Variants in TMPRSS11D observed in about 807,000 individuals in gnomAD.
TMPRSS11D encodes the protein transmembrane serine protease 11D, also known as transmembrane protease serine 11D.
TMPRSS11D carries 32 observed loss-of-function variants against 44.4 expected under a neutral mutation model. That is an observed-to-expected ratio of 0.72 (90% CI 0.54 to 0.97). TMPRSS11D has a LOEUF of 0.97. Among genes scored for constraint, TMPRSS11D ranks in the 50% least tolerant of loss-of-function variants. TMPRSS11D has a pLI of 0.00. For synonymous variants in TMPRSS11D, 179 were observed against 177.9 expected, an observed-to-expected ratio of 1.01 and a Z score of -0.05; for missense variants, 446 against 502.6, an observed-to-expected ratio of 0.89 and a Z score of 1.08.
chr4:67,831,085 CTCTT>C (rs2109662003), intron 7 of TMPRSS11D, among the ~76,000 whole-genome samples: 1 of 152,156 alleles, frequency 6.6e-6, no homozygotes, highest in African/African-American at 2.4e-5. Context: ...TAATTATGGT[CTCTT>C]TCTTTGAGGA....
At chr4:67,878,975 G>A (rs1428535920) in intron 1 of TMPRSS11D, among the ~76,000 whole-genome samples, 2 of 152,066 alleles carry the variant, frequency 1.3e-5, no homozygotes, top group Non-Finnish European at 2.9e-5. Flanking sequence ...TGTATAAGTA[G>A]AAATAAAGCA....
chr4:67,847,491 T>C (rs67716342), intron 3 of TMPRSS11D, among the ~76,000 whole-genome samples: 19,972 of 152,170 alleles, frequency 0.13, 1,455 homozygotes, highest in East Asian at 0.31. Flanking sequence ...TAGTTTTCTT[T>C]TAGAACTAGA....
At chr4:67,834,820 TTTTCA>T (rs1718035888) in intron 6 of TMPRSS11D, among the ~76,000 whole-genome samples, 1 of 152,086 alleles carries the variant, frequency 6.6e-6, no homozygotes, top group African/African-American at 2.4e-5. Context: ...GCCAAAGAAA[TTTTCA>T]TGAGGGCAAT....
At chr4:67,824,148 T>A (rs1717725451) in intron 9 of TMPRSS11D, among the ~76,000 whole-genome samples, 1 of 151,888 alleles carries the variant, frequency 6.6e-6, no homozygotes, top group African/African-American at 2.4e-5. Flanking sequence ...TTTTTTTTTT[T>A]TTTTTAAGTG....
At chr4:67,882,238 T>A (rs956572006) in intron 1 of TMPRSS11D, among the ~76,000 whole-genome samples, 16 of 152,188 alleles carry the variant, frequency 1.1e-4, no homozygotes, top group African/African-American at 3.9e-4. Flanking sequence ...TACCTGAAGA[T>A]TTATCTAAAA....
In TMPRSS11D at chr4:67,854,137, T is replaced by C. The variant is rs767783090; in HGVS notation, c.180A>G (p.Glu60=). The C allele has an allele frequency of 6.3e-7, 1 of 1,599,988 alleles. No individual in the cohort carries two copies. Among genetic ancestry groups the C allele is most frequent in the Non-Finnish European group, 8.5e-7 (1 of 1,174,834 alleles). ...YRSSFQLLNV[E]YNSQLNSPAT... is the part of the protein sequence containing the mutation. ...CTGGTGAATTTAACTGACTATTATA[T>C]TCAACATTTAGGAGTTGAAAACTGC... Residue 60 remains glutamate, a synonymous_variant, in exon 3 of 10, where the codon GAA becomes GAG. Coordinates refer to ENST00000283916, the MANE Select transcript of TMPRSS11D (RefSeq NM_004262.3).
rs1336784343 is a variant in TMPRSS11D at position 67,835,125 on chromosome 4, G to C, written c.476-4C>G. On this transcript the variant is annotated splice_region_variant and splice_polypyrimidine_tract_variant and intron_variant, in intron 5 of 9. Coordinates refer to ENST00000283916, the MANE Select transcript of TMPRSS11D (RefSeq NM_004262.3). ...GCTGCAGCCTGGTCAGTAAGTGCTA[G>C]TATTAAAAAATGAGAATAAGATAAA... The C allele has an allele frequency of 3.1e-6, 5 of 1,610,012 alleles. No homozygotes were observed. Among genetic ancestry groups the C allele is most frequent in the Non-Finnish European group, 4.2e-6 (5 of 1,176,954 alleles).
At chr4:67,838,412 C>T (rs1718154231) in intron 4 of TMPRSS11D, 83 bp from the exon 5 acceptor site, 1 of 1,279,424 alleles carries the variant, frequency 7.8e-7, no homozygotes, top group Non-Finnish European at 1.0e-6. Context: ...TTGATTAAAC[C>T]CTTTTAAAGA....
intron 8 of TMPRSS11D, 109 bp from the exon 9 acceptor site, chr4:67,825,983 A>G: frequency 7.8e-7 from 1 of 1,278,896 alleles, no homozygotes; most frequent in Non-Finnish European, 1.0e-6. Flanking sequence ...TTTCATATTT[A>G]ACAATGAAGG....
chr4:67,836,295 T>A (rs934265169), intron 5 of TMPRSS11D, among the ~76,000 whole-genome samples: 29 of 152,266 alleles, frequency 1.9e-4, no homozygotes, highest in African/African-American at 7.0e-4. Flanking sequence ...ACCAGACTGA[T>A]CTTTTTAAAA....
chr4:67,860,859 C>T (rs1376037996), intron 1 of TMPRSS11D, among the ~76,000 whole-genome samples: 1 of 152,026 alleles, frequency 6.6e-6, no homozygotes, highest in African/African-American at 2.4e-5. Context: ...TGCAATGTTG[C>T]CTGGTATTGT....
At chr4:67,837,854 C>T (rs1387999402) in intron 5 of TMPRSS11D, among the ~76,000 whole-genome samples, 1 of 152,004 alleles carries the variant, frequency 6.6e-6, no homozygotes, top group African/African-American at 2.4e-5. Context: ...GTTCTCTGAC[C>T]TTGAGCATCT....
chr4:67,867,352 A>C (rs1278089297), intron 1 of TMPRSS11D, among the ~76,000 whole-genome samples: 1 of 152,166 alleles, frequency 6.6e-6, no homozygotes, highest in Non-Finnish European at 1.5e-5. Flanking sequence ...TAAAGACTTA[A>C]ATTTATGATC....
intron 1 of TMPRSS11D, 58 bp downstream of exon 1, chr4:67,883,868 C>T: frequency 1.4e-6 from 2 of 1,425,016 alleles, no homozygotes; most frequent in South Asian, 2.6e-5. Context: ...TTATATTTTT[C>T]CCATACTGTA....
intron 3 of TMPRSS11D, among the ~76,000 whole-genome samples, chr4:67,851,310 T>C (rs758249701): frequency 2.0e-5 from 3 of 152,214 alleles, no homozygotes; most frequent in Non-Finnish European, 4.4e-5. Context: ...TCAGAAAATA[T>C]ACTCCCAAAC....
At chr4:67,861,794 C>T (rs199768061) in intron 1 of TMPRSS11D, among the ~76,000 whole-genome samples, 1 of 151,812 alleles carries the variant, frequency 6.6e-6, no homozygotes, top group Non-Finnish European at 1.5e-5. Context: ...CTTACGCTCA[C>T]AAGCCATAAC....
At chr4:67,876,009 T>C (rs1220218309) in intron 1 of TMPRSS11D, among the ~76,000 whole-genome samples, 1 of 152,168 alleles carries the variant, frequency 6.6e-6, no homozygotes, top group Non-Finnish European at 1.5e-5. Flanking sequence ...AAGAGTCACA[T>C]AAAAAAGAGA....
chr4:67,881,290 T>C (rs760386693), intron 1 of TMPRSS11D, among the ~76,000 whole-genome samples: 3 of 152,080 alleles, frequency 2.0e-5, no homozygotes, highest in Admixed American at 1.3e-4. Context: ...ACTGAGAAAA[T>C]AGATTGGGAG....
intron 4 of TMPRSS11D, among the ~76,000 whole-genome samples, chr4:67,841,749 A>G (rs1218896606): frequency 6.6e-6 from 1 of 152,172 alleles, no homozygotes; most frequent in Non-Finnish European, 1.5e-5. Context: ...TACCCTTCTC[A>G]TGGACTCTTC....
Sources: gnomAD v4.1 joint callset for allele counts (sites outside exome capture counted in the v4.1 genomes callset) on GRCh38, gnomAD v4.1.1 for gene constraint, MANE v1.5 for transcripts, NCBI Gene and HGNC (gene_info 2026-07-23, HGNC 2026-07-21) for gene names.